The following ROBO2 variants were observed in gnomAD, a reference collection of about 807,000 sequenced individuals.
ROBO2 encodes roundabout guidance receptor 2.
A neutral mutation model predicts 160.8 loss-of-function variants in ROBO2; 53 were observed. The observed-to-expected ratio is 0.33, with a 90% CI of 0.26 to 0.41. ROBO2 has a LOEUF of 0.41. Among genes scored for constraint, ROBO2 ranks in the 10% least tolerant of loss-of-function variants. The pLI, the probability that ROBO2 is intolerant of heterozygous loss-of-function variation, is 1.00. For missense variants in ROBO2, 1,577 were observed against 1,722.4 expected, an observed-to-expected ratio of 0.92 and a Z score of 1.49; for synonymous variants, 664 against 611.7, an observed-to-expected ratio of 1.09 and a Z score of -1.26.
intron 2 of ROBO2, among the ~76,000 whole-genome samples, chr3:76,427,428 A>C (rs1470751582): frequency 6.6e-6 from 1 of 152,086 alleles, no homozygotes; most frequent in Non-Finnish European, 1.5e-5. Context: ...GGGTTCCTGG[A>C]TGCACTTTAA....
At chr3:77,467,131 A>T (rs538744453) in intron 2 of ROBO2, among the ~76,000 whole-genome samples, 7 of 152,164 alleles carry the variant, frequency 4.6e-5, no homozygotes, top group Non-Finnish European at 1.0e-4. Flanking sequence ...ACTTGATAAC[A>T]CTCTTTATTT....
intron 5 of ROBO2, among the ~76,000 whole-genome samples, chr3:77,502,812 T>A (rs945705499): frequency 3.3e-5 from 5 of 152,210 alleles, no homozygotes; most frequent in Non-Finnish European, 7.3e-5. Context: ...CATTATTTTA[T>A]ATAAAGGATT....
In ROBO2 at chr3:75,994,021, A is replaced by G. The variant is rs1344032642; in HGVS notation, c.109+56419A>G. 4.4e-4 allele frequency among the ~76,000 whole-genome samples: 67 copies of G among 152,128 alleles called. 2 individuals carry two copies. Among genetic ancestry groups the G allele is most frequent in the Admixed American group, 4.4e-3 (67 of 15,266 alleles). On this transcript the variant is annotated intron_variant, in intron 2 of 26. Transcript: ENST00000487694. ...CAGGGCCAGCTGTGGGAGTATCTAG[A>G]GCCCTTTTAAAAAATATTAAGAGTA... is the stretch of plus-strand genomic sequence containing the variant.
At position 76,836,933 on chromosome 3, in the gene ROBO2, T is replaced by C. The variant is rs114430456; in HGVS notation, c.110-261081T>C. 2.5e-3 allele frequency among the ~76,000 whole-genome samples: 375 copies of C among 152,012 alleles called. 1 individual carries two copies. The highest frequency in any genetic ancestry group is 8.7e-3 in the African/African-American group (360 of 41,544). On this transcript the variant is annotated intron_variant, in intron 2 of 26. Transcript: ENST00000487694. ...ACGTTACTTGCATCTTATATATCCT[T>C]ATAGATTTTCTGTCAATATGCTCTA...
rs78142392 is a variant in ROBO2, at chr3:76,743,113, T to C, written c.110-354901T>C. On this transcript the variant is annotated intron_variant, in intron 2 of 26. Coordinates refer to the ROBO2 transcript ENST00000487694. ...CAGGTTATGAACAAGGCCAAAAATA[T>C]ATTTTCCCTCAACCTTAGAATACAA... is the stretch of plus-strand genomic sequence containing the variant. Among the ~76,000 whole-genome samples the C allele has an allele frequency of 2.6e-4, 39 of 152,212 alleles. 1 individual carries two copies. In the East Asian group the frequency reaches 7.5e-3, roughly 29 times the overall value.
At chr3:77,322,224 T>C (rs899091410) in intron 2 of ROBO2, among the ~76,000 whole-genome samples, 5 of 152,182 alleles carry the variant, frequency 3.3e-5, no homozygotes, top group African/African-American at 1.2e-4. Context: ...CCGAATGAAA[T>C]GATGTTTTTG....
intron 2 of ROBO2, among the ~76,000 whole-genome samples, chr3:76,617,173 C>T (rs2088652465): frequency 6.6e-6 from 1 of 152,210 alleles, no homozygotes; most frequent in South Asian, 2.1e-4. Context: ...ATCAAGCAGG[C>T]TATTCTAAGG....
intron 2 of ROBO2, among the ~76,000 whole-genome samples, chr3:76,424,937 C>T (rs1160096717): frequency 6.6e-6 from 1 of 152,144 alleles, no homozygotes; most frequent in African/African-American, 2.4e-5. Context: ...ACATTCCCAC[C>T]CCATAACCCT....
At chr3:76,601,296 C>A (rs1209020340) in intron 2 of ROBO2, among the ~76,000 whole-genome samples, 1 of 152,182 alleles carries the variant, frequency 6.6e-6, no homozygotes, top group Non-Finnish European at 1.5e-5. Flanking sequence ...GCCCTCTTCT[C>A]ACAGGTCCAC....
chr3:76,425,767 G>A (rs916938875), intron 2 of ROBO2, among the ~76,000 whole-genome samples: 1 of 151,822 alleles, frequency 6.6e-6, no homozygotes, highest in African/African-American at 2.4e-5. Context: ...GAAATGAGTT[G>A]ATCAGAACAA....
chr3:76,567,805 A>ATC (rs2084687377), intron 2 of ROBO2, among the ~76,000 whole-genome samples: 1 of 82,256 alleles, frequency 1.2e-5, no homozygotes, highest in Admixed American at 1.5e-4. Flanking sequence ...GTGTATATAT[A>ATC]TATTTTTTTT....
At chr3:76,002,405 T>C (rs1327739888) in intron 2 of ROBO2, among the ~76,000 whole-genome samples, 1 of 151,802 alleles carries the variant, frequency 6.6e-6, no homozygotes, top group Non-Finnish European at 1.5e-5. Context: ...TGGGAGGTAA[T>C]TGAATCATGG....
chr3:77,455,646 G>T (rs1020342211), intron 2 of ROBO2, among the ~76,000 whole-genome samples: 1 of 151,916 alleles, frequency 6.6e-6, no homozygotes, highest in African/African-American at 2.4e-5. Flanking sequence ...TGGCCAGGAT[G>T]GTCTCGATCT....
chr3:77,406,326 G>A (rs1402080755), intron 2 of ROBO2, among the ~76,000 whole-genome samples: 4 of 152,136 alleles, frequency 2.6e-5, no homozygotes, highest in East Asian at 1.9e-4. Flanking sequence ...AGATTTGGGT[G>A]GGGACACAGA....
At chr3:77,442,968 G>T (rs868865512) in intron 2 of ROBO2, among the ~76,000 whole-genome samples, 3 of 152,126 alleles carry the variant, frequency 2.0e-5, no homozygotes, top group Non-Finnish European at 2.9e-5. Flanking sequence ...ACATATGGTG[G>T]TTCTCATATG....
intron 2 of ROBO2, among the ~76,000 whole-genome samples, chr3:76,819,576 C>T (rs1270636782): frequency 1.3e-5 from 2 of 151,972 alleles, no homozygotes; most frequent in East Asian, 1.9e-4. Context: ...GTGGTGATCT[C>T]TGGGTCAGTT....
At chr3:75,924,690 T>TC (rs918746785) in intron 1 of ROBO2, among the ~76,000 whole-genome samples, 4 of 118,030 alleles carry the variant, frequency 3.4e-5, no homozygotes, top group African/African-American at 1.3e-4. Context: ...TCTTTTTTTT[T>TC]TTTTTTTTTT....
At chr3:77,177,960 TA>T (rs1362756999) in intron 2 of ROBO2, among the ~76,000 whole-genome samples, 2 of 152,048 alleles carry the variant, frequency 1.3e-5, no homozygotes. Context: ...ATTCAGCTAA[TA>T]TTTTTCTGAA....
intron 2 of ROBO2, among the ~76,000 whole-genome samples, chr3:76,402,854 C>A (rs1383975183): frequency 6.6e-6 from 1 of 151,616 alleles, no homozygotes. Context: ...ATTGGGCTCA[C>A]CCAGATAATT....
Sources: allele counts gnomAD v4.1 joint callset (sites outside exome capture counted in the v4.1 genomes callset), GRCh38; gene constraint gnomAD v4.1.1; transcripts MANE v1.5; gene names NCBI Gene and HGNC (gene_info 2026-07-23, HGNC 2026-07-21).